The following NCOA7 variants were observed in gnomAD, a reference collection of about 807,000 sequenced individuals.
NCOA7 encodes 140 kDa estrogen receptor-associated protein.
In NCOA7, 45 loss-of-function variants were observed where a neutral mutation model predicts 104.3. The observed-to-expected ratio is 0.43, with a 90% confidence interval of 0.34 to 0.55. The LOEUF is 0.55. NCOA7 is among the 20% of genes least tolerant of loss of function. The pLI, the probability that NCOA7 is intolerant of heterozygous loss-of-function variation, is 0.02. For missense variants in NCOA7, 1,041 were observed against 1,119.7 expected, an observed-to-expected ratio of 0.93 and a Z score of 1.00; for synonymous variants, 398 against 402.3, an observed-to-expected ratio of 0.99 and a Z score of 0.13.
intron 10 of NCOA7, chr6:125,900,143 T>C: frequency 2.3e-6 from 1 of 437,156 alleles, no homozygotes; most frequent in Non-Finnish European, 5.0e-6. Context: ...GTAGGGGCTG[T>C]GGACCTCTGT....
chr6:125,803,382 G>A (rs1030873810), intron 1 of NCOA7, among the ~76,000 whole-genome samples: 2 of 151,968 alleles, frequency 1.3e-5, no homozygotes. Flanking sequence ...GAGCACATTG[G>A]GTCCTTTTTA....
rs867519609 is a variant in NCOA7 at position 125,922,960 on chromosome 6, G to C, written c.2523+126G>C. On this transcript the variant is annotated intron_variant, in intron 13 of 15. Coordinates refer to ENST00000392477, the MANE Select transcript of NCOA7 (RefSeq NM_181782.5). ...CAGTTAACAGGATTTTGCCTTCTGT[G>C]TCTTTTATCTTTGTTTTTTCTCTGC... 4.7e-6 allele frequency: 4 copies of C among 844,924 alleles called. No homozygotes were observed. In the Middle Eastern group the frequency reaches 1.1e-3, roughly 240 times the overall value. The allele number at this position is 844,924 out of a possible 1,614,324, so 52.3% of individuals were successfully genotyped here. A position where few individuals can be genotyped will look rare whatever the true frequency, so the allele number is the denominator to read the frequency against.
At chr6:125,896,169 G>A (rs1226707371) in intron 10 of NCOA7, among the ~76,000 whole-genome samples, 1 of 151,502 alleles carries the variant, frequency 6.6e-6, no homozygotes, top group Non-Finnish European at 1.5e-5. Flanking sequence ...GCCATTATAA[G>A]CAATGTTACA....
At chr6:125,902,252 G>T (rs1051239181) in intron 10 of NCOA7, among the ~76,000 whole-genome samples, 1 of 152,262 alleles carries the variant, frequency 6.6e-6, no homozygotes, top group East Asian at 1.9e-4. Flanking sequence ...AGATCCTCAT[G>T]TAGAAGAGAC....
intron 2 of NCOA7, among the ~76,000 whole-genome samples, chr6:125,848,651 G>C (rs1448995373): frequency 6.6e-6 from 1 of 152,024 alleles, no homozygotes; most frequent in Non-Finnish European, 1.5e-5. Context: ...AGCCTGTCGG[G>C]GGGTGGTGGT....
At position 125,855,087 on chromosome 6, in the gene NCOA7, A is replaced by G; in HGVS notation, c.118A>G (p.Thr40Ala). 6.2e-7 allele frequency: 1 copy of G among 1,613,434 alleles called. No homozygotes were observed. Among genetic ancestry groups the G allele is most frequent in the Non-Finnish European group, 8.5e-7 (1 of 1,179,884 alleles). ...TASAVATRTH[T>A]GKEDNNTVVL... is the part of the protein sequence containing the mutation. ...CTCAGCTGTAGCTACAAGGACTCAT[A>G]CTGGGAAGGAAGATAATAATACAGT... Residue 40 changes from threonine to alanine, a missense_variant, in exon 3 of 16, where the codon ACT (threonine) becomes GCT (alanine). Coordinates refer to ENST00000392477, the MANE Select transcript of NCOA7 (RefSeq NM_181782.5).
Position 125,855,011 on chromosome 6 carries a change from C to A in NCOA7, c.51-9C>A. The A allele has an allele frequency of 6.4e-7, 1 of 1,572,532 alleles. No individual in the cohort carries two copies. The highest frequency in any genetic ancestry group is 8.6e-7 in the Non-Finnish European group (1 of 1,164,076). On this transcript the variant is annotated splice_polypyrimidine_tract_variant and intron_variant, in intron 2 of 15. Coordinates refer to ENST00000392477, the MANE Select transcript of NCOA7 (RefSeq NM_181782.5). ...CCAATGTTTTTTCTTTTTTTTCCCT[C>A]TTTCCTAGACTGAAAAAGAAAAAAC...
intron 5 of NCOA7, among the ~76,000 whole-genome samples, chr6:125,879,719 C>T (rs748397085): frequency 3.3e-5 from 5 of 152,164 alleles, no homozygotes; most frequent in South Asian, 2.1e-4. Flanking sequence ...TATATTTGGC[C>T]GGGCACAGTG....
At chr6:125,811,631 C>T (rs1777012626) in intron 1 of NCOA7, among the ~76,000 whole-genome samples, 1 of 152,048 alleles carries the variant, frequency 6.6e-6, no homozygotes, top group Non-Finnish European at 1.5e-5. Context: ...GGGGAGACGC[C>T]CAGGGGGTTC....
At chr6:125,907,646 T>G (rs1786141508) in intron 10 of NCOA7, among the ~76,000 whole-genome samples, 1 of 152,160 alleles carries the variant, frequency 6.6e-6, no homozygotes, top group Admixed American at 6.5e-5. Context: ...CCCACCTCCT[T>G]GGACTTAGCA....
At chr6:125,922,007 G>C (rs1219936819) in intron 12 of NCOA7, among the ~76,000 whole-genome samples, 2 of 152,196 alleles carry the variant, frequency 1.3e-5, no homozygotes, top group Non-Finnish European at 2.9e-5. Context: ...TGAGGAACCA[G>C]TAAAGACCCA....
At chr6:125,894,339 C>T (rs552017826) in intron 10 of NCOA7, among the ~76,000 whole-genome samples, 7 of 152,086 alleles carry the variant, frequency 4.6e-5, no homozygotes, top group Non-Finnish European at 1.0e-4. Flanking sequence ...GTACTAGACT[C>T]GGGCCTCTGT....
intron 10 of NCOA7, among the ~76,000 whole-genome samples, chr6:125,896,717 G>A (rs915237692): frequency 4.3e-4 from 65 of 152,166 alleles, no homozygotes; most frequent in African/African-American, 1.4e-3. Flanking sequence ...ACTTGAGCCC[G>A]AGATGCTGAG....
chr6:125,831,880 A>T (rs1779216019), intron 2 of NCOA7, among the ~76,000 whole-genome samples: 1 of 151,976 alleles, frequency 6.6e-6, no homozygotes, highest in Non-Finnish European at 1.5e-5. Flanking sequence ...CTTTCGTTTG[A>T]GCTCTATTAT....
chr6:125,867,007 T>A (rs1782494693), intron 3 of NCOA7, among the ~76,000 whole-genome samples: 1 of 152,246 alleles, frequency 6.6e-6, no homozygotes, highest in Non-Finnish European at 1.5e-5. Context: ...TATTTAAAGA[T>A]GAGATTTCCT....
Position 125,862,277 on chromosome 6 carries a change from C to T in NCOA7, c.271+7037C>T, listed in dbSNP as rs887929753. Among the ~76,000 whole-genome samples the T allele has an allele frequency of 2.9e-5, 4 of 135,998 alleles. 1 individual carries two copies. Among genetic ancestry groups the T allele is most frequent in the Admixed American group, 1.4e-4 (2 of 14,408 alleles). The allele number at this position is 135,998 out of a possible 152,430, so 89.2% of individuals were successfully genotyped here. On this transcript the variant is annotated intron_variant, in intron 3 of 15. Coordinates refer to ENST00000392477, the MANE Select transcript of NCOA7 (RefSeq NM_181782.5). ...GAATTATGGGGAATACTCAGTCCTCCGAATAACTGTAGCAAATGTTTACAG... is the reference window on the plus strand; with the variant it reads ...GAATTATGGGGAATACTCAGTCCTCTGAATAACTGTAGCAAATGTTTACAG...
intron 1 of NCOA7, among the ~76,000 whole-genome samples, chr6:125,795,920 G>A (rs991541994): frequency 1.3e-5 from 2 of 152,152 alleles, no homozygotes; most frequent in African/African-American, 4.8e-5. Context: ...ATCCTTGTTT[G>A]TGGACCCCCA....
intron 11 of NCOA7, among the ~76,000 whole-genome samples, chr6:125,919,976 T>TC (rs1197261449): frequency 6.6e-6 from 1 of 152,218 alleles, no homozygotes; most frequent in Non-Finnish European, 1.5e-5. Flanking sequence ...ATATAATCCT[T>TC]CACTTGATCT....
intron 3 of NCOA7, among the ~76,000 whole-genome samples, chr6:125,859,264 A>G (rs992831811): frequency 9.2e-5 from 14 of 152,088 alleles, no homozygotes; most frequent in Middle Eastern, 3.4e-3. Flanking sequence ...GCAAAAATTG[A>G]CAGACTAGGA....
Sources: allele counts gnomAD v4.1 joint callset (sites outside exome capture counted in the v4.1 genomes callset), GRCh38; gene constraint gnomAD v4.1.1; transcripts MANE v1.5; gene names NCBI Gene and HGNC (gene_info 2026-07-23, HGNC 2026-07-21).